Variants in ROBO1 observed in about 807,000 individuals in gnomAD.
ROBO1 encodes the protein roundabout guidance receptor 1, also known as roundabout homolog 1.
A neutral mutation model predicts 195.9 loss-of-function variants in ROBO1; 149 were observed. That is an observed-to-expected ratio of 0.76 (90% CI 0.67 to 0.87). The LOEUF (loss-of-function observed/expected upper bound fraction) is 0.87, where lower values mean the gene tolerates loss of function less well. Among genes scored for constraint, ROBO1 ranks in the 40% least tolerant of loss-of-function variants. The pLI, the probability that ROBO1 is intolerant of heterozygous loss-of-function variation, is 0.00. For synonymous variants in ROBO1, 816 were observed against 733.2 expected (o/e 1.11, Z -1.82); for missense variants, 1,933 against 2,068.3 (o/e 0.93, Z 1.27).
In ROBO1 at chr3:79,598,917, T is replaced by C. The variant is rs549745738; in HGVS notation, c.-50-8956A>G. ...TAGCTAACCAGAGGTCCTGAGCCTG[T>C]CCATGTGACAACTTCACTGCTGGCA... On this transcript the variant is annotated intron_variant, in intron 1 of 30. Transcript: ENST00000464233. Among the ~76,000 whole-genome samples, 7 of 152,158 alleles carry C rather than the reference T, an allele frequency of 4.6e-5. No individual in the cohort carries two copies. In the East Asian group the frequency reaches 1.4e-3, roughly 30 times the overall value.
At chr3:79,220,595 A>ATG (rs1003849429) in intron 2 of ROBO1, among the ~76,000 whole-genome samples, 24 of 151,546 alleles carry the variant, frequency 1.6e-4, no homozygotes, top group South Asian at 8.3e-4. Context: ...AATTGCAATG[A>ATG]TGTGTGTGTG....
chr3:79,022,608 G>A (rs1050996337), intron 3 of ROBO1, among the ~76,000 whole-genome samples: 7 of 152,194 alleles, frequency 4.6e-5, no homozygotes, highest in African/African-American at 7.2e-5. Flanking sequence ...AGATCTTCAG[G>A]GAACTCTGAC....
chr3:79,444,967 G>C (rs1056224325), intron 2 of ROBO1, among the ~76,000 whole-genome samples: 1 of 152,018 alleles, frequency 6.6e-6, no homozygotes, highest in South Asian at 2.1e-4. Flanking sequence ...ATGAGATTAA[G>C]ATGGCAGGGA....
intron 2 of ROBO1, among the ~76,000 whole-genome samples, chr3:79,212,830 A>C (rs2081989257): frequency 6.8e-6 from 1 of 146,906 alleles, no homozygotes. Flanking sequence ...AGAAAAAATA[A>C]AATAAAATAA....
rs780760050 is a variant in ROBO1 at position 78,717,248 on chromosome 3, A to G, written c.917+27T>C. 2.6e-6 allele frequency: 4 copies of G among 1,524,606 alleles called. No individual in the cohort carries two copies. In the Admixed American group the frequency reaches 9.0e-5, roughly 34 times the overall value. 94.4% of individuals were successfully genotyped at this position (1,524,606 alleles called of 1,614,324 possible). ...AAACGTAGAAATGCTGAGTTGACAA[A>G]TCATATCATGAAACTCTGATGTGTA... On this transcript the variant is annotated intron_variant, in intron 7 of 30. Coordinates refer to ENST00000464233, the MANE Select transcript of ROBO1 (RefSeq NM_002941.4).
intron 2 of ROBO1, among the ~76,000 whole-genome samples, chr3:79,456,447 T>C (rs769332533): frequency 4.6e-5 from 7 of 152,102 alleles, no homozygotes; most frequent in Non-Finnish European, 8.8e-5. Context: ...GAGTATTTTC[T>C]GGAGGCAGAG....
At chr3:79,277,010 C>A (rs753916785) in intron 2 of ROBO1, among the ~76,000 whole-genome samples, 5 of 151,926 alleles carry the variant, frequency 3.3e-5, no homozygotes, top group Non-Finnish European at 7.4e-5. Flanking sequence ...TCCTTGTACA[C>A]CATTGGTGAG....
At chr3:79,039,127 A>G (rs2078434708) in intron 3 of ROBO1, among the ~76,000 whole-genome samples, 4 of 152,210 alleles carry the variant, frequency 2.6e-5, no homozygotes, top group Admixed American at 2.6e-4. Flanking sequence ...CTTTGTTCTG[A>G]TGTTCTATAT....
At chr3:79,757,130 C>A (rs1343487613) in intron 1 of ROBO1, among the ~76,000 whole-genome samples, 1 of 152,100 alleles carries the variant, frequency 6.6e-6, no homozygotes, top group Non-Finnish European at 1.5e-5. Flanking sequence ...CATTGCTGTA[C>A]AAATACTTTG....
intron 2 of ROBO1, among the ~76,000 whole-genome samples, chr3:79,408,049 T>C (rs1469099898): frequency 2.0e-5 from 3 of 151,868 alleles, no homozygotes; most frequent in Non-Finnish European, 4.4e-5. Flanking sequence ...TTAAAAATTG[T>C]TTATTAAAAA....
At chr3:78,932,492 T>C (rs1031033528) in intron 4 of ROBO1, among the ~76,000 whole-genome samples, 2 of 152,194 alleles carry the variant, frequency 1.3e-5, no homozygotes, top group African/African-American at 4.8e-5. Context: ...TGTTCCAGGA[T>C]AGTGTATCCA....
chr3:79,566,274 C>A (rs545603092), intron 2 of ROBO1, among the ~76,000 whole-genome samples: 3 of 152,210 alleles, frequency 2.0e-5, no homozygotes, highest in South Asian at 4.1e-4. Context: ...TTAAGTGTAA[C>A]TTAGCATCGT....
At chr3:78,877,504 A>G (rs1414342128) in intron 4 of ROBO1, among the ~76,000 whole-genome samples, 2 of 152,184 alleles carry the variant, frequency 1.3e-5, no homozygotes, top group African/African-American at 4.8e-5. Context: ...TTCAAAAAGA[A>G]AAAAAATCAA....
At chr3:79,719,336 T>C (rs1206460902) in intron 1 of ROBO1, among the ~76,000 whole-genome samples, 1 of 152,124 alleles carries the variant, frequency 6.6e-6, no homozygotes, top group Non-Finnish European at 1.5e-5. Context: ...TTTTATTAAA[T>C]CTTGTCCCAC....
At chr3:79,736,683 C>G (rs1703403438) in intron 1 of ROBO1, among the ~76,000 whole-genome samples, 1 of 152,166 alleles carries the variant, frequency 6.6e-6, no homozygotes, top group South Asian at 2.1e-4. Flanking sequence ...CTCCTGAGAT[C>G]ATCCAAGTTG....
chr3:79,276,536 C>T (rs2031048706), intron 2 of ROBO1, among the ~76,000 whole-genome samples: 1 of 151,858 alleles, frequency 6.6e-6, no homozygotes, highest in African/African-American at 2.4e-5. Context: ...AAACACTGGG[C>T]AAACTGTCTA....
At chr3:78,695,191 C>G (rs2081259401) in intron 8 of ROBO1, among the ~76,000 whole-genome samples, 1 of 151,870 alleles carries the variant, frequency 6.6e-6, no homozygotes, top group African/African-American at 2.4e-5. Context: ...ATGGGTGCAG[C>G]ACACCATCAT....
intron 2 of ROBO1, among the ~76,000 whole-genome samples, chr3:79,207,912 A>C (rs1337172987): frequency 6.6e-6 from 1 of 152,284 alleles, no homozygotes; most frequent in Non-Finnish European, 1.5e-5. Context: ...TGAGACATCA[A>C]GTAATTTATT....
chr3:78,906,041 T>C (rs923421911), intron 4 of ROBO1, among the ~76,000 whole-genome samples: 1 of 152,194 alleles, frequency 6.6e-6, no homozygotes, highest in Non-Finnish European at 1.5e-5. Context: ...ATGTTATAAA[T>C]GTGAATACTT....
Sources: allele counts gnomAD v4.1 joint callset (sites outside exome capture counted in the v4.1 genomes callset), GRCh38; gene constraint gnomAD v4.1.1; transcripts MANE v1.5; gene names NCBI Gene and HGNC (gene_info 2026-07-23, HGNC 2026-07-21).